The following SH3BGRL2 variants were observed in gnomAD, a reference collection of about 807,000 sequenced individuals.
The protein encoded by SH3BGRL2 is SH3 domain binding glutamate rich protein like 2.
SH3BGRL2 carries 21 observed loss-of-function variants against 14.8 expected under a neutral mutation model. That is an observed-to-expected ratio of 1.42 (90% CI 1.01 to 2.05). The LOEUF is 2.05. Among genes scored for constraint, SH3BGRL2 ranks in the 30% most tolerant of loss-of-function variants. The pLI is 0.00. For missense variants in SH3BGRL2, 147 were observed against 130.8 expected (o/e 1.12, Z -0.61); for synonymous variants, 50 against 47.8 (o/e 1.05, Z -0.19).
At chr6:79,560,867 C>CTTTT in the SH3BGRL2 span, among the ~76,000 whole-genome samples, 362 of 45,784 alleles carry the variant, frequency 7.9e-3, 34 homozygotes, top group Non-Finnish European at 0.01. Flanking sequence ...ACAATACACT[C>CTTTT]TTTTTTTTTT....
the SH3BGRL2 span, among the ~76,000 whole-genome samples, chr6:79,618,914 C>CAAAAAAAAGAAAAAAAA: frequency 1.3e-5 from 1 of 76,276 alleles, no homozygotes; most frequent in Non-Finnish European, 2.5e-5. Context: ...GAGACTCTGT[C>CAAAAAAAAGAAAAAAAA]AAAAAAAAAA....
chr6:79,655,255 G>T (rs1195193961), intron 1 of SH3BGRL2, among the ~76,000 whole-genome samples: 1 of 152,050 alleles, frequency 6.6e-6, no homozygotes, highest in Non-Finnish European at 1.5e-5. Flanking sequence ...CTACCTTATG[G>T]GAAGTTTTGA....
rs199771664 is a variant in SH3BGRL2 at position 79,650,723 on chromosome 6, A to AAACTTCCT, written c.45+19218_45+19225dup. 1.7e-3 allele frequency among the ~76,000 whole-genome samples: 263 copies of AAACTTCCT among 152,192 alleles called. 1 individual carries two copies. In the East Asian group the frequency reaches 0.018, roughly 11 times the overall value. ...TGAGGGATCTGCCCCCATGACTCAA[A>AAACTTCCT]AACTTCCTGCCAAACCCCACTTCCA... On this transcript the variant is annotated intron_variant, in intron 1 of 3. Coordinates refer to ENST00000369838, the MANE Select transcript of SH3BGRL2 (RefSeq NM_031469.4).
At chr6:79,569,673 T>C in the SH3BGRL2 span, among the ~76,000 whole-genome samples, 5 of 152,196 alleles carry the variant, frequency 3.3e-5, no homozygotes, top group African/African-American at 1.2e-4. Context: ...CCAACAACTT[T>C]TTTCAGGTTA....
chr6:79,550,089 A>G, the SH3BGRL2 span, among the ~76,000 whole-genome samples: 1 of 152,290 alleles, frequency 6.6e-6, no homozygotes, highest in East Asian at 1.9e-4. Context: ...ACAGTTCTGC[A>G]TTTTCCAAGT....
chr6:79,551,927 G>A, the SH3BGRL2 span, among the ~76,000 whole-genome samples: 17 of 151,918 alleles, frequency 1.1e-4, no homozygotes, highest in African/African-American at 3.9e-4. Flanking sequence ...CTGTCTCTAC[G>A]AAAAATACCA....
At chr6:79,584,195 A>C in the SH3BGRL2 span, among the ~76,000 whole-genome samples, 1 of 152,186 alleles carries the variant, frequency 6.6e-6, no homozygotes, top group Non-Finnish European at 1.5e-5. Flanking sequence ...TTATGGGTAT[A>C]TATTAAGCAC....
intron 1 of SH3BGRL2, among the ~76,000 whole-genome samples, chr6:79,645,300 A>G (rs1466304537): frequency 2.0e-5 from 3 of 151,574 alleles, no homozygotes; most frequent in Non-Finnish European, 1.5e-5. Flanking sequence ...TTAATATACC[A>G]TTTTAAATTC....
At chr6:79,637,759 CTA>C (rs1338018046) in intron 1 of SH3BGRL2, among the ~76,000 whole-genome samples, 3 of 151,730 alleles carry the variant, frequency 2.0e-5, no homozygotes, top group Admixed American at 1.3e-4. Context: ...TGATCAAGAA[CTA>C]TGTCTTTGAG....
the SH3BGRL2 span, among the ~76,000 whole-genome samples, chr6:79,584,029 G>A: frequency 6.6e-6 from 1 of 152,170 alleles, no homozygotes; most frequent in East Asian, 1.9e-4. Flanking sequence ...CATATAAACA[G>A]TCTGATGGGC....
chr6:79,671,832 G>A (rs1769780332), intron 1 of SH3BGRL2, among the ~76,000 whole-genome samples: 1 of 152,182 alleles, frequency 6.6e-6, no homozygotes, highest in African/African-American at 2.4e-5. Flanking sequence ...GTTCACCTCT[G>A]CAGACCTTAC....
At chr6:79,607,123 G>A in the SH3BGRL2 span, among the ~76,000 whole-genome samples, 59 of 152,228 alleles carry the variant, frequency 3.9e-4, no homozygotes, top group Middle Eastern at 3.4e-3. Context: ...TCTCACATAA[G>A]CCTTGTTTGG....
At chr6:79,601,891 T>C in the SH3BGRL2 span, among the ~76,000 whole-genome samples, 3 of 152,006 alleles carry the variant, frequency 2.0e-5, no homozygotes, top group African/African-American at 7.2e-5. Context: ...TAAAAAAATA[T>C]GCAACTACAA....
intron 1 of SH3BGRL2, among the ~76,000 whole-genome samples, chr6:79,669,733 C>G (rs2127732088): frequency 6.6e-6 from 1 of 152,278 alleles, no homozygotes; most frequent in African/African-American, 2.4e-5. Context: ...GAGTGACCCA[C>G]CGCACCCAGC....
chr6:79,684,271 G>T (rs977185968), intron 2 of SH3BGRL2, among the ~76,000 whole-genome samples: 3 of 151,978 alleles, frequency 2.0e-5, no homozygotes, highest in Admixed American at 2.0e-4. Flanking sequence ...CAATCCAAAG[G>T]TGTGTTGTTA....
chr6:79,589,775 TTTTG>T, the SH3BGRL2 span, among the ~76,000 whole-genome samples: 1 of 152,124 alleles, frequency 6.6e-6, no homozygotes, highest in Non-Finnish European at 1.5e-5. Flanking sequence ...TTGTTTCATT[TTTTG>T]TTTGTTTGTT....
chr6:79,564,571 A>C, the SH3BGRL2 span, among the ~76,000 whole-genome samples: 4 of 152,170 alleles, frequency 2.6e-5, no homozygotes, highest in Non-Finnish European at 5.9e-5. Flanking sequence ...GCTTTCCAAA[A>C]TACCTTTCCC....
the SH3BGRL2 span, among the ~76,000 whole-genome samples, chr6:79,559,942 G>C: frequency 6.6e-6 from 1 of 152,058 alleles, no homozygotes; most frequent in South Asian, 2.1e-4. Flanking sequence ...TAAATTTTTT[G>C]GATTTGAAAT....
intron 2 of SH3BGRL2, among the ~76,000 whole-genome samples, chr6:79,690,835 T>C (rs1461885640): frequency 6.6e-6 from 1 of 152,172 alleles, no homozygotes; most frequent in East Asian, 1.9e-4. Context: ...GAAGATTGCT[T>C]GAGCCCTGGA....
Sources: allele counts gnomAD v4.1 joint callset (sites outside exome capture counted in the v4.1 genomes callset), GRCh38; gene constraint gnomAD v4.1.1; transcripts MANE v1.5; gene names NCBI Gene and HGNC (gene_info 2026-07-23, HGNC 2026-07-21).